Variants in SPMIP2 observed in about 807,000 individuals in gnomAD.
SPMIP2 encodes the protein protein SPMIP2.
chr4:159,000,851 G>T, the SPMIP2 span, among the ~76,000 whole-genome samples: 1 of 152,082 alleles, frequency 6.6e-6, no homozygotes, highest in Non-Finnish European at 1.5e-5. Context: ...TGTAGCAATA[G>T]TTTATTCCTT....
At chr4:158,909,528 A>G in the SPMIP2 span, 4 of 149,514 alleles carry the variant, frequency 2.7e-5, no homozygotes, top group African/African-American at 7.4e-5. Context: ...CGCTTTCTGT[A>G]TGTTACCTCA....
At chr4:159,026,115 T>C in the SPMIP2 span, 29 of 281,396 alleles carry the variant, frequency 1.0e-4, no homozygotes, top group African/African-American at 4.0e-4. Context: ...CACCCTCCTA[T>C]GCCCACCATG....
the SPMIP2 span, among the ~76,000 whole-genome samples, chr4:159,023,585 T>C: frequency 2.0e-5 from 3 of 152,240 alleles, no homozygotes; most frequent in East Asian, 5.8e-4. Context: ...GTAGATGTTA[T>C]GAATAAATCT....
At chr4:158,955,320 T>C in the SPMIP2 span, among the ~76,000 whole-genome samples, 3 of 152,216 alleles carry the variant, frequency 2.0e-5, no homozygotes, top group Non-Finnish European at 4.4e-5. Flanking sequence ...TCTGAGCGCT[T>C]AGCACATAGC....
At chr4:158,929,965 T>C in the SPMIP2 span, among the ~76,000 whole-genome samples, 1 of 152,210 alleles carries the variant, frequency 6.6e-6, no homozygotes, top group Non-Finnish European at 1.5e-5. Flanking sequence ...GCAGGGCAGG[T>C]CTGCTAGTGA....
At chr4:159,023,698 T>C in the SPMIP2 span, among the ~76,000 whole-genome samples, 1 of 152,216 alleles carries the variant, frequency 6.6e-6, no homozygotes, top group Non-Finnish European at 1.5e-5. Flanking sequence ...TCACATGTTA[T>C]GGCACACTGT....
chr4:159,051,447 T>C, the SPMIP2 span, among the ~76,000 whole-genome samples: 1 of 152,238 alleles, frequency 6.6e-6, no homozygotes, highest in Non-Finnish European at 1.5e-5. Flanking sequence ...TGCCTGGTAC[T>C]TCGTACACAA....
At chr4:158,904,112 G>GT in the SPMIP2 span, among the ~76,000 whole-genome samples, 2 of 152,200 alleles carry the variant, frequency 1.3e-5, no homozygotes, top group Non-Finnish European at 2.9e-5. Context: ...GGAAGAATGA[G>GT]TTTATAATGG....
At chr4:158,910,035 A>G in the SPMIP2 span, among the ~76,000 whole-genome samples, 3 of 151,616 alleles carry the variant, frequency 2.0e-5, no homozygotes, top group African/African-American at 7.3e-5. Flanking sequence ...GTGAGACTCC[A>G]TCTCAAAAAA....
chr4:158,936,310 C>T, the SPMIP2 span, among the ~76,000 whole-genome samples: 1 of 152,236 alleles, frequency 6.6e-6, no homozygotes, highest in African/African-American at 2.4e-5. Flanking sequence ...CAGTCATTCA[C>T]TTGAGTTTCA....
chr4:158,966,309 A>G, the SPMIP2 span, among the ~76,000 whole-genome samples: 1 of 152,258 alleles, frequency 6.6e-6, no homozygotes, highest in African/African-American at 2.4e-5. Flanking sequence ...GGAGTGTTGT[A>G]TATGAATAAT....
the SPMIP2 span, among the ~76,000 whole-genome samples, chr4:159,063,406 C>A: frequency 6.6e-6 from 1 of 151,950 alleles, no homozygotes. Flanking sequence ...AAAAATTAGC[C>A]AGGTGTGGTG....
chr4:159,045,022 T>C, the SPMIP2 span, among the ~76,000 whole-genome samples: 1 of 150,260 alleles, frequency 6.7e-6, no homozygotes, highest in Non-Finnish European at 1.5e-5. Flanking sequence ...ACCCAGGAGG[T>C]GGCAGTCGCA....
At chr4:158,982,507 A>G in the SPMIP2 span, among the ~76,000 whole-genome samples, 2 of 152,174 alleles carry the variant, frequency 1.3e-5, no homozygotes. Flanking sequence ...AAAAGAACAG[A>G]AACATAACAA....
At chr4:159,007,572 G>A in the SPMIP2 span, 26 of 1,101,516 alleles carry the variant, frequency 2.4e-5, no homozygotes, top group African/African-American at 1.1e-4. Flanking sequence ...GGTGAATGCC[G>A]TCAAAAGCAA....
the SPMIP2 span, among the ~76,000 whole-genome samples, chr4:159,036,399 C>G: frequency 6.6e-6 from 1 of 152,178 alleles, no homozygotes; most frequent in East Asian, 1.9e-4. Context: ...TGTCTGAGGT[C>G]AAGCCTTTTC....
the SPMIP2 span, among the ~76,000 whole-genome samples, chr4:158,996,038 A>C: frequency 6.6e-6 from 1 of 152,084 alleles, no homozygotes; most frequent in African/African-American, 2.4e-5. Flanking sequence ...CGTCCCTATT[A>C]GAGACTCGCA....
chr4:159,045,018 G>A, the SPMIP2 span, among the ~76,000 whole-genome samples: 8 of 152,036 alleles, frequency 5.3e-5, no homozygotes, highest in Non-Finnish European at 1.0e-4. Flanking sequence ...TTGAACCCAG[G>A]AGGTGGCAGT....
chr4:158,943,024 T>C, the SPMIP2 span, among the ~76,000 whole-genome samples: 1 of 152,340 alleles, frequency 6.6e-6, no homozygotes, highest in Admixed American at 6.5e-5. Context: ...GAATTAGAAT[T>C]ACAAAGAATA....
Sources: allele counts gnomAD v4.1 joint callset (sites outside exome capture counted in the v4.1 genomes callset), GRCh38; gene constraint gnomAD v4.1.1; transcripts MANE v1.5; gene names NCBI Gene and HGNC (gene_info 2026-07-23, HGNC 2026-07-21).